Variants in CACNG6 observed in about 807,000 individuals in gnomAD.
CACNG6 encodes the protein voltage-dependent calcium channel gamma-6 subunit.
Under a neutral mutation model 23.9 loss-of-function variants are expected in CACNG6, and 21 were observed. The ratio of observed to expected loss-of-function variants is 0.88; its 90% CI spans 0.62 to 1.26. The LOEUF is 1.26. Among genes scored for constraint, CACNG6 ranks in the 50% most tolerant of loss-of-function variants. The probability of loss-of-function intolerance (pLI) is 0.00; values close to 1 mark genes in which losing one functional copy is unlikely to be tolerated. For missense variants in CACNG6, 340 were observed against 352.9 expected (o/e 0.96, Z 0.29); for synonymous variants, 182 against 168.9 (o/e 1.08, Z -0.60).
Position 53,998,202 on chromosome 19 carries a change from C to A in CACNG6, c.332-37C>A, listed in dbSNP as rs756926852. On this transcript the variant is annotated intron_variant, in intron 1 of 3. Coordinates refer to ENST00000252729, the MANE Select transcript of CACNG6 (RefSeq NM_145814.2). Reference sequence around the variant, plus strand: ...CCCTGAGCTTACGCAAGGGACCTCACATCCTCATGTCTGTTTTCTCTCTCC... The same window carrying A: ...CCCTGAGCTTACGCAAGGGACCTCAAATCCTCATGTCTGTTTTCTCTCTCC... The A allele has an allele frequency of 4.4e-6, 7 of 1,588,024 alleles. No homozygotes were observed. The South Asian group carries it at 7.7e-5, about 18-fold the overall frequency.
intron 3 of CACNG6, among the ~76,000 whole-genome samples, chr19:54,002,776 G>A (rs1405762376): frequency 6.6e-6 from 1 of 152,112 alleles, no homozygotes; most frequent in Non-Finnish European, 1.5e-5. Context: ...AGTGAAGAAG[G>A]ATTTGATGTT....
chr19:54,008,399 C>G (rs2069669602), intron 3 of CACNG6, among the ~76,000 whole-genome samples: 1 of 152,048 alleles, frequency 6.6e-6, no homozygotes, highest in Non-Finnish European at 1.5e-5. Context: ...AAAAACACCA[C>G]AGTGGGGCTG....
In CACNG6 at chr19:54,011,940, C is replaced by G. The variant is rs201854302; in HGVS notation, c.545-11C>G. On this transcript the variant is annotated splice_polypyrimidine_tract_variant and intron_variant, in intron 3 of 3. Transcript: ENST00000252729. The stretch of plus-strand genomic sequence containing the variant: ...CGGGCGTCTGACTGCGAGCTGTCCT[C>G]TCTCCCGCAGGCCTGCTGCTCTTGG... 1,292 of 1,477,110 alleles carry G rather than the reference C, an allele frequency of 8.7e-4. 2 individuals carry two copies. Among genetic ancestry groups the G allele is most frequent in the Non-Finnish European group, 1.1e-3 (1,189 of 1,111,946 alleles). 91.5% of individuals were successfully genotyped at this position (1,477,110 alleles called of 1,614,324 possible).
At chr19:54,000,827 G>T (rs2069567870) in intron 3 of CACNG6, among the ~76,000 whole-genome samples, 1 of 152,056 alleles carries the variant, frequency 6.6e-6, no homozygotes, top group Non-Finnish European at 1.5e-5. Context: ...TGATCTGCCT[G>T]TCTTGGCCTC....
chr19:53,999,532 G>T (rs7247590), intron 2 of CACNG6, 102 bp from the exon 3 acceptor site: 1 of 1,365,476 alleles, frequency 7.3e-7, no homozygotes, highest in Non-Finnish European at 1.0e-6. Context: ...TTCTTCTCTC[G>T]TCCCGAATCT....
At chr19:54,002,718 G>A (rs1485226802) in intron 3 of CACNG6, among the ~76,000 whole-genome samples, 2 of 152,152 alleles carry the variant, frequency 1.3e-5, no homozygotes, top group Non-Finnish European at 2.9e-5. Flanking sequence ...AGTGTTTTAT[G>A]AAAGTCTTGA....
chr19:54,005,170 C>T (rs1463892048), intron 3 of CACNG6, among the ~76,000 whole-genome samples: 1 of 150,828 alleles, frequency 6.6e-6, no homozygotes, highest in Non-Finnish European at 1.5e-5. Flanking sequence ...GATCGCGCCA[C>T]TGCACTCCAG....
intron 3 of CACNG6, among the ~76,000 whole-genome samples, chr19:54,010,040 C>T (rs112709306): frequency 0.1 from 12,509 of 125,178 alleles, 1,503 homozygotes; most frequent in African/African-American, 0.29. Context: ...TCTTTTCTTT[C>T]TTTTTTTTTT....
At chr19:53,999,827 C>T (rs2069557758) in intron 3 of CACNG6, 56 bp downstream of exon 3, 2 of 1,594,982 alleles carry the variant, frequency 1.3e-6, no homozygotes, top group Non-Finnish European at 1.7e-6. Flanking sequence ...GATCTCCAGG[C>T]ACTGTTGCAT....
At chr19:53,997,096 C>T (rs960614737) in intron 1 of CACNG6, among the ~76,000 whole-genome samples, 5 of 152,158 alleles carry the variant, frequency 3.3e-5, no homozygotes, top group East Asian at 3.9e-4. Flanking sequence ...TCTCAAACTC[C>T]TGAGCTCAAG....
intron 3 of CACNG6, 26 bp from the exon 4 acceptor site, chr19:54,011,925 A>T (rs1479572381): frequency 7.0e-7 from 1 of 1,435,944 alleles, no homozygotes. Flanking sequence ...CGGGCGTCTG[A>T]CTGCGAGCTG....
At chr19:54,011,489 ATTCACCC>A (rs916734414) in intron 3 of CACNG6, among the ~76,000 whole-genome samples, 7 of 150,796 alleles carry the variant, frequency 4.6e-5, no homozygotes, top group Non-Finnish European at 1.0e-4. Flanking sequence ...AAGGAACCAT[ATTCACCC>A]TACAGTGCTG....
Position 53,992,925 on chromosome 19 carries a change from G to C in CACNG6, c.48G>C (p.Gly16=). 1 of 1,397,896 alleles carries C rather than the reference G, an allele frequency of 7.2e-7. No individual in the cohort carries two copies. The highest frequency in any genetic ancestry group is 9.3e-7 in the Non-Finnish European group (1 of 1,079,100). The allele number at this position is 1,397,896 out of a possible 1,614,324, so 86.6% of individuals were successfully genotyped here. Residue 16 remains glycine (G), a synonymous_variant, in exon 1 of 4, where the codon GGG becomes GGC. Transcript: ENST00000252729. This position sits in a 1 kb window ranked among gnomAD's most constrained non-coding sequence, Gnocchi z 4.1. ...TGCAAGAGGAGAACCGGCGGCGGGG[G>C]GCCGCGGGCCGGCGGCGGGCGCACG... ...FFLQEENRRR[G]AAGRRRAHGQ...
At chr19:54,011,227 T>TATATATATATATATATATATAC (rs1442985544) in intron 3 of CACNG6, among the ~76,000 whole-genome samples, 14 of 95,272 alleles carry the variant, frequency 1.5e-4, no homozygotes, top group African/African-American at 7.5e-4. Flanking sequence ...TATATATATA[T>TATATATATATATATATATATAC]ACACACACAC....
intron 3 of CACNG6, among the ~76,000 whole-genome samples, chr19:54,011,441 A>C (rs1027692772): frequency 1.7e-4 from 26 of 148,896 alleles, no homozygotes; most frequent in Non-Finnish European, 3.3e-4. Flanking sequence ...AAAAAAAAAA[A>C]AAAAAAAAAA....
chr19:53,997,358 A>G (rs158196), intron 1 of CACNG6, among the ~76,000 whole-genome samples: 48,839 of 151,708 alleles, frequency 0.32, 10,231 homozygotes, highest in African/African-American at 0.6. Flanking sequence ...TGGACACCTG[A>G]CTTGATTCTG....
At position 53,993,073 on chromosome 19, in the gene CACNG6, A is replaced by G; in HGVS notation, c.196A>G (p.Asn66Asp). ...GGGCACCGAGTTCTGGGTGGAGCTC[A>G]ACACCTACAAGGCCAACGGCAGCGC... ...SVGTEFWVELNTYKANGSAVC... is the reference protein window; with the variant it reads ...SVGTEFWVELDTYKANGSAVC... Residue 66 changes from asparagine (N) to aspartate (D), a missense_variant, in exon 1 of 4, where the codon AAC becomes GAC. By Grantham distance (23) the Asn-to-Asp change is conservative. Transcript: ENST00000252729. The G allele has an allele frequency of 6.5e-7, 1 of 1,538,366 alleles. No homozygotes were observed. Among genetic ancestry groups the G allele is most frequent in the Non-Finnish European group, 8.8e-7 (1 of 1,141,686 alleles).
chr19:53,992,934 C>G lies in CACNG6; in HGVS notation c.57C>G (p.Gly19=), dbSNP rs1240652242. 12 of 1,390,400 alleles carry G rather than the reference C, an allele frequency of 8.6e-6. No individual in the cohort carries two copies. Among genetic ancestry groups the G allele is most frequent in the Non-Finnish European group, 1.0e-5 (11 of 1,075,480 alleles). The allele number at this position is 1,390,400 out of a possible 1,614,324, so 86.1% of individuals were successfully genotyped here. ...AGAACCGGCGGCGGGGGGCCGCGGG[C>G]CGGCGGCGGGCGCACGGGCAGGGCA... The part of the protein sequence containing the change: ...QEENRRRGAA[G]RRRAHGQGRS... The change falls in exon 1 of 4, where the codon GGC becomes GGG. Residue 19 remains glycine (G), a synonymous_variant. Coordinates refer to ENST00000252729, the MANE Select transcript of CACNG6 (RefSeq NM_145814.2). This position sits in a 1 kb window ranked among gnomAD's most constrained non-coding sequence, Gnocchi z 4.1.
At chr19:54,000,332 C>A (rs2069563334) in intron 3 of CACNG6, among the ~76,000 whole-genome samples, 1 of 152,128 alleles carries the variant, frequency 6.6e-6, no homozygotes, top group African/African-American at 2.4e-5. Context: ...GGGGCTATAG[C>A]AGGCTCAAAG....
Sources: gnomAD v4.1 joint callset for allele counts (sites outside exome capture counted in the v4.1 genomes callset) on GRCh38, gnomAD v4.1.1 for gene constraint, Gnocchi (gnomAD v3.1) non-coding constraint, MANE v1.5 for transcripts, NCBI Gene and HGNC (gene_info 2026-07-23, HGNC 2026-07-21) for gene names.